The following MINPP1 variants were observed in gnomAD, a reference collection of about 807,000 sequenced individuals.
MINPP1 encodes the protein multiple inositol polyphosphate phosphatase 1.
A neutral mutation model predicts 46.1 loss-of-function variants in MINPP1; 28 were observed. The observed-to-expected ratio is 0.61, with a 90% CI of 0.45 to 0.83. The LOEUF (loss-of-function observed/expected upper bound fraction) is 0.83, where lower values mean the gene tolerates loss of function less well. Among genes scored for constraint, MINPP1 ranks in the 40% least tolerant of loss-of-function variants. The pLI, the probability that MINPP1 is intolerant of heterozygous loss-of-function variation, is 0.00. For missense variants in MINPP1, 603 were observed against 610.0 expected, an observed-to-expected ratio of 0.99 and a Z score of 0.12; for synonymous variants, 268 against 249.1, an observed-to-expected ratio of 1.08 and a Z score of -0.72.
intron 4 of MINPP1, among the ~76,000 whole-genome samples, chr10:87,531,667 G>C (rs1016542116): frequency 6.6e-6 from 1 of 152,190 alleles, no homozygotes; most frequent in Non-Finnish European, 1.5e-5. Flanking sequence ...AAAACTTTTT[G>C]AGTGCGGATG....
intron 4 of MINPP1, among the ~76,000 whole-genome samples, chr10:87,530,822 AG>A (rs1435674825): frequency 2.6e-5 from 4 of 152,212 alleles, no homozygotes; most frequent in African/African-American, 9.6e-5. Flanking sequence ...AGAGGCAGGC[AG>A]GCCTCCTTGA....
At chr10:87,530,743 C>T (rs1019461282) in intron 4 of MINPP1, among the ~76,000 whole-genome samples, 5 of 152,190 alleles carry the variant, frequency 3.3e-5, no homozygotes, top group Admixed American at 2.0e-4. Flanking sequence ...CAGACAGGGA[C>T]GTTTAAGTCT....
chr10:87,517,827 A>G (rs759798223), intron 3 of MINPP1, among the ~76,000 whole-genome samples: 2 of 151,832 alleles, frequency 1.3e-5, no homozygotes, highest in South Asian at 4.2e-4. Flanking sequence ...ACACCTGGCT[A>G]ATTTTTGTAT....
At chr10:87,524,903 TATA>T (rs1259940774) in intron 4 of MINPP1, among the ~76,000 whole-genome samples, 1 of 152,126 alleles carries the variant, frequency 6.6e-6, no homozygotes, top group Non-Finnish European at 1.5e-5. Context: ...CCATAACAGA[TATA>T]ATAATCATAG....
intron 4 of MINPP1, 152 bp downstream of exon 4, chr10:87,521,321 A>G: frequency 1.6e-6 from 1 of 616,792 alleles, no homozygotes; most frequent in East Asian, 2.9e-5. Context: ...GATAACATAT[A>G]TGTAAATTAT....
intron 2 of MINPP1, among the ~76,000 whole-genome samples, chr10:87,510,443 A>C (rs542323769): frequency 6.6e-6 from 1 of 152,328 alleles, no homozygotes; most frequent in South Asian, 2.1e-4. Flanking sequence ...CCATCATCGA[A>C]TTTTACTGCT....
intron 4 of MINPP1, among the ~76,000 whole-genome samples, chr10:87,545,588 CT>C (rs1851875864): frequency 6.6e-6 from 1 of 152,088 alleles, no homozygotes; most frequent in African/African-American, 2.4e-5. Context: ...AAAATATCTT[CT>C]TTTAATATGT....
At chr10:87,522,104 T>C (rs765029354) in intron 4 of MINPP1, among the ~76,000 whole-genome samples, 1 of 152,140 alleles carries the variant, frequency 6.6e-6, no homozygotes, top group Non-Finnish European at 1.5e-5. Context: ...ATGAATTTCA[T>C]GGTAGTTATG....
chr10:87,537,268 T>A (rs115816901), intron 4 of MINPP1, among the ~76,000 whole-genome samples: 1,714 of 152,278 alleles, frequency 0.011, 35 homozygotes, highest in African/African-American at 0.039. Context: ...ACTGCCAAAC[T>A]TTTCCCACCA....
chr10:87,540,174 C>T (rs1022235818), intron 4 of MINPP1, among the ~76,000 whole-genome samples: 1 of 152,182 alleles, frequency 6.6e-6, no homozygotes. Flanking sequence ...CCAGCTTATT[C>T]TTCTGTTAAA....
intron 4 of MINPP1, among the ~76,000 whole-genome samples, chr10:87,525,675 T>C (rs2131820186): frequency 6.6e-6 from 1 of 152,352 alleles, no homozygotes; most frequent in African/African-American, 2.4e-5. Context: ...TAGGTATATC[T>C]CCTAATGCTA....
At chr10:87,524,944 G>A (rs975205830) in intron 4 of MINPP1, among the ~76,000 whole-genome samples, 2 of 150,926 alleles carry the variant, frequency 1.3e-5, no homozygotes, top group Non-Finnish European at 3.0e-5. Context: ...TTGAAATATT[G>A]TGTATTACTA....
At chr10:87,526,604 T>A (rs1308382321) in intron 4 of MINPP1, among the ~76,000 whole-genome samples, 1 of 152,164 alleles carries the variant, frequency 6.6e-6, no homozygotes, top group Non-Finnish European at 1.5e-5. Context: ...GGTGTTTTAA[T>A]CATGAAGTCC....
At chr10:87,528,805 G>A (rs1851615057) in intron 4 of MINPP1, among the ~76,000 whole-genome samples, 2 of 152,268 alleles carry the variant, frequency 1.3e-5, no homozygotes, top group South Asian at 4.1e-4. Flanking sequence ...TGTTGACAGT[G>A]GGGTGTTAAA....
intron 4 of MINPP1, among the ~76,000 whole-genome samples, chr10:87,527,587 A>G (rs1447057545): frequency 6.6e-6 from 1 of 152,062 alleles, no homozygotes; most frequent in Non-Finnish European, 1.5e-5. Flanking sequence ...ATTGATTTGC[A>G]TATATTGAAC....
At chr10:87,544,948 A>G (rs1215928219) in intron 4 of MINPP1, among the ~76,000 whole-genome samples, 1 of 152,220 alleles carries the variant, frequency 6.6e-6, no homozygotes. Context: ...TAAAGCAAAA[A>G]ATACTTAACA....
At chr10:87,523,072 C>T (rs1158119402) in intron 4 of MINPP1, among the ~76,000 whole-genome samples, 1 of 152,198 alleles carries the variant, frequency 6.6e-6, no homozygotes, top group African/African-American at 2.4e-5. Context: ...CATCTTTGGG[C>T]ACCACTTGTA....
chr10:87,510,829 G>T (rs56263099), intron 2 of MINPP1, among the ~76,000 whole-genome samples: 4,032 of 152,102 alleles, frequency 0.027, 174 homozygotes, highest in African/African-American at 0.088. Flanking sequence ...GAAATTGCTG[G>T]GTTAACACAC....
intron 3 of MINPP1, among the ~76,000 whole-genome samples, chr10:87,513,618 T>A (rs1375293845): frequency 6.6e-6 from 1 of 152,180 alleles, no homozygotes; most frequent in Non-Finnish European, 1.5e-5. Flanking sequence ...AGCAACTATT[T>A]TATAACAGTT....
Sources: allele counts gnomAD v4.1 joint callset (sites outside exome capture counted in the v4.1 genomes callset), GRCh38; gene constraint gnomAD v4.1.1; transcripts MANE v1.5; gene names NCBI Gene and HGNC (gene_info 2026-07-23, HGNC 2026-07-21).